Variants in PDE1C observed in about 807,000 individuals in gnomAD.
The protein encoded by PDE1C is phosphodiesterase 1C.
PDE1C carries 62 observed loss-of-function variants against 93.1 expected under a neutral mutation model. That is an observed-to-expected ratio of 0.67 (90% CI 0.54 to 0.82). The LOEUF (loss-of-function observed/expected upper bound fraction) is 0.82, where lower values mean the gene tolerates loss of function less well. Ranked by LOEUF, PDE1C falls within the 40% of genes least tolerant of loss-of-function variation. The pLI, the probability that PDE1C is intolerant of heterozygous loss-of-function variation, is 0.00. For synonymous variants in PDE1C, 325 were observed against 310.1 expected, an observed-to-expected ratio of 1.05 and a Z score of -0.50; for missense variants, 742 against 884.6, an observed-to-expected ratio of 0.84 and a Z score of 2.04.
intron 1 of PDE1C, among the ~76,000 whole-genome samples, chr7:32,349,598 A>G (rs1416990274): frequency 6.6e-6 from 1 of 152,180 alleles, no homozygotes; most frequent in East Asian, 1.9e-4. Context: ...TGCATTTGTC[A>G]GTTAGAGCTG....
At chr7:32,092,567 C>G (rs1222592757) in intron 3 of PDE1C, among the ~76,000 whole-genome samples, 1 of 152,190 alleles carries the variant, frequency 6.6e-6, no homozygotes, top group Non-Finnish European at 1.5e-5. Context: ...GCCATCAGCT[C>G]TGAACACAAT....
chr7:32,000,964 G>A (rs575512057), intron 2 of PDE1C, among the ~76,000 whole-genome samples: 32 of 151,962 alleles, frequency 2.1e-4, no homozygotes, highest in South Asian at 8.3e-4. Context: ...ATCTCTCCAC[G>A]TTTGTATACA....
intron 1 of PDE1C, chr7:32,298,538 C>T: frequency 2.3e-6 from 3 of 1,311,780 alleles, no homozygotes; most frequent in Non-Finnish European, 3.2e-6. Context: ...GAGCACCCTC[C>T]GGCCCCAGCC....
intron 7 of PDE1C, among the ~76,000 whole-genome samples, chr7:31,860,563 T>C (rs535180210): frequency 2.6e-5 from 4 of 152,196 alleles, no homozygotes; most frequent in Non-Finnish European, 5.9e-5. Context: ...TGCCTGCTCA[T>C]ACTGTTTGAC....
rs182004489 is a variant in PDE1C, at chr7:31,754,731, T to C, written c.1961-1178A>G. Reference sequence around the variant, plus strand: ...AAAAACATCAGAGATTGTCAGGCGTTTGGAAAGAGGAGGGATGGTTAAATA... The same window carrying C: ...AAAAACATCAGAGATTGTCAGGCGTCTGGAAAGAGGAGGGATGGTTAAATA... On this transcript the variant is annotated intron_variant, in intron 17 of 17. Coordinates refer to ENST00000396191, the MANE Select transcript of PDE1C (RefSeq NM_001191057.4). Among the ~76,000 whole-genome samples, 3 of 152,196 alleles carry C rather than the reference T, an allele frequency of 2.0e-5. No individual in the cohort carries two copies. The South Asian group carries it at 6.2e-4, about 32-fold the overall frequency.
the PDE1C span, among the ~76,000 whole-genome samples, chr7:31,649,400 GC>G: frequency 8.5e-3 from 1,290 of 152,294 alleles, 9 homozygotes; most frequent in South Asian, 0.041. Flanking sequence ...AAAACAGCCA[GC>G]CTGCAAGATC....
chr7:32,256,961 G>A (rs920293207), intron 1 of PDE1C, among the ~76,000 whole-genome samples: 5 of 152,176 alleles, frequency 3.3e-5, no homozygotes, highest in Non-Finnish European at 7.4e-5. Flanking sequence ...GGTTGATCCC[G>A]GGGAAGCAGG....
chr7:32,240,437 A>G (rs1808461215), intron 1 of PDE1C, among the ~76,000 whole-genome samples: 1 of 152,232 alleles, frequency 6.6e-6, no homozygotes, highest in Admixed American at 6.5e-5. Context: ...ACAAACAGAT[A>G]CATATTTAAT....
intron 1 of PDE1C, among the ~76,000 whole-genome samples, chr7:32,392,138 G>T (rs1184459420): frequency 6.6e-6 from 1 of 151,788 alleles, no homozygotes; most frequent in African/African-American, 2.4e-5. Context: ...GGAATGAAAG[G>T]GAGAATATCA....
intron 1 of PDE1C, among the ~76,000 whole-genome samples, chr7:32,316,955 C>T (rs370705036): frequency 3.9e-5 from 6 of 152,292 alleles, no homozygotes; most frequent in Middle Eastern, 3.4e-3. Context: ...TCATGTGTCA[C>T]CTCTTGACTT....
chr7:32,335,348 G>C (rs116961943), intron 1 of PDE1C, among the ~76,000 whole-genome samples: 14 of 152,182 alleles, frequency 9.2e-5, no homozygotes, highest in African/African-American at 3.1e-4. Flanking sequence ...GGCCCAGAAG[G>C]CTCTGTGAAG....
chr7:31,895,975 A>C (rs1799256329), intron 2 of PDE1C, among the ~76,000 whole-genome samples: 1 of 104,418 alleles, frequency 9.6e-6, no homozygotes, highest in Admixed American at 1.1e-4. Flanking sequence ...ATGAGAACAG[A>C]CTAATACACT....
chr7:31,958,460 A>T (rs1808460951), intron 2 of PDE1C, among the ~76,000 whole-genome samples: 1 of 152,246 alleles, frequency 6.6e-6, no homozygotes, highest in Non-Finnish European at 1.5e-5. Context: ...ACACTCTATG[A>T]CTAATTCTTT....
the PDE1C span, among the ~76,000 whole-genome samples, chr7:31,689,119 C>T: frequency 2.6e-5 from 4 of 152,168 alleles, no homozygotes; most frequent in Admixed American, 1.3e-4. Context: ...TTCCACAGCA[C>T]GTTTGACTCC....
intron 16 of PDE1C, chr7:31,789,855 G>A: frequency 9.8e-7 from 1 of 1,023,474 alleles, no homozygotes; most frequent in Non-Finnish European, 1.2e-6. Flanking sequence ...TGTGTGTGTG[G>A]CTTTTTTCAG....
intron 3 of PDE1C, among the ~76,000 whole-genome samples, chr7:32,139,712 G>T (rs769535136): frequency 3.3e-5 from 5 of 152,100 alleles, no homozygotes; most frequent in African/African-American, 1.2e-4. Context: ...CTAACTTTTT[G>T]ATGTAATTTT....
chr7:31,880,811 C>T lies in PDE1C; in HGVS notation c.178G>A (p.Asp60Asn). ...QLERGEASVV[D>N]LKKNLEYAAT... is the part of the protein sequence containing the mutation. ...GCATATTCCAAATTCTTCTTAAGAT[C>T]TACCACTGAAGCTTCCCCTCTCTCT... is the stretch of plus-strand genomic sequence containing the variant. Residue 60 changes from aspartate (D) to asparagine (N), a missense_variant, in exon 3 of 18, where the codon GAT becomes AAT. Asp to Asn is a conservative substitution (Grantham distance 23). Around this residue, in one of 4 missense-constraint regions of PDE1C, gnomAD observed 74 missense variants for 88.2 expected, o/e 0.84. Coordinates refer to ENST00000396191, the MANE Select transcript of PDE1C (RefSeq NM_001191057.4). 6.2e-7 allele frequency: 1 copy of T among 1,612,440 alleles called. No individual in the cohort carries two copies. Among genetic ancestry groups the T allele is most frequent in the African/African-American group, 1.3e-5 (1 of 75,030 alleles).
intron 16 of PDE1C, chr7:31,787,791 A>G (rs867668781): frequency 3.3e-5 from 5 of 152,358 alleles, no homozygotes; most frequent in Middle Eastern, 6.8e-3. Context: ...AAAATAAGCT[A>G]GAGCTTTGGA....
At chr7:31,859,618 T>C (rs1357194193) in intron 7 of PDE1C, among the ~76,000 whole-genome samples, 1 of 151,880 alleles carries the variant, frequency 6.6e-6, no homozygotes, top group Non-Finnish European at 1.5e-5. Flanking sequence ...TGTTTAACTG[T>C]TTAAGTGATA....
Sources: gnomAD v4.1 joint callset for allele counts (sites outside exome capture counted in the v4.1 genomes callset) on GRCh38, gnomAD v4.1.1 for gene constraint, gnomAD v4.1.1 regional missense constraint, MANE v1.5 for transcripts, NCBI Gene and HGNC (gene_info 2026-07-23, HGNC 2026-07-21) for gene names.